Variants in CIRSR observed in about 807,000 individuals in gnomAD.
The protein encoded by CIRSR is corepressor of RBPJ and splicing regulator, also known as CBF1 (RBPJ) interacting corepressor 1.
chr2:174,383,522 C>A, the CIRSR span, among the ~76,000 whole-genome samples: 1 of 151,724 alleles, frequency 6.6e-6, no homozygotes, highest in East Asian at 1.9e-4. Context: ...GAGTTCGAGA[C>A]CAGCTTGGCC....
chr2:174,389,924 C>T, the CIRSR span, among the ~76,000 whole-genome samples: 2 of 152,182 alleles, frequency 1.3e-5, no homozygotes, highest in Admixed American at 6.5e-5. Context: ...GGAACCTCTG[C>T]CTAGATTTCA....
At chr2:174,369,951 A>C in the CIRSR span, 1 of 1,361,418 alleles carries the variant, frequency 7.3e-7, no homozygotes, top group Non-Finnish European at 9.8e-7. Context: ...ACGGTTGGAA[A>C]ACTGGTGCTG....
the CIRSR span, chr2:174,350,763 T>C: frequency 3.9e-6 from 6 of 1,550,894 alleles, no homozygotes; most frequent in East Asian, 6.8e-5. Context: ...AACAAAGATA[T>C]CATTAAATTG....
the CIRSR span, among the ~76,000 whole-genome samples, chr2:174,377,582 C>T: frequency 5.3e-5 from 8 of 151,734 alleles, no homozygotes; most frequent in East Asian, 5.8e-4. Context: ...TTTGGGAGGC[C>T]GAGGCAGGTG....
At chr2:174,349,754 G>A in the CIRSR span, among the ~76,000 whole-genome samples, 1 of 152,030 alleles carries the variant, frequency 6.6e-6, no homozygotes, top group Non-Finnish European at 1.5e-5. Flanking sequence ...AATTCTTACT[G>A]AGTTGAAATT....
chr2:174,369,840 C>A, the CIRSR span: 1 of 1,007,492 alleles, frequency 9.9e-7, no homozygotes, highest in Non-Finnish European at 1.3e-6. Flanking sequence ...ATAGTAATGT[C>A]AAAGATCACT....
chr2:174,391,791 G>T, the CIRSR span, among the ~76,000 whole-genome samples: 25 of 152,060 alleles, frequency 1.6e-4, no homozygotes, highest in Non-Finnish European at 3.4e-4. Context: ...GCAATAAAAA[G>T]GAAAAAGTAC....
At chr2:174,394,956 G>C in the CIRSR span, among the ~76,000 whole-genome samples, 1 of 152,146 alleles carries the variant, frequency 6.6e-6, no homozygotes, top group Non-Finnish European at 1.5e-5. Context: ...TTTTGTGCAA[G>C]GTCTTAAGGC....
the CIRSR span, chr2:174,349,200 A>C: frequency 8.7e-7 from 1 of 1,149,800 alleles, no homozygotes; most frequent in Middle Eastern, 2.7e-4. Flanking sequence ...ACAGTAACAG[A>C]CTGTGTGAAA....
chr2:174,379,916 G>A, the CIRSR span, among the ~76,000 whole-genome samples: 1 of 151,424 alleles, frequency 6.6e-6, no homozygotes, highest in Non-Finnish European at 1.5e-5. Context: ...GTAGAGACAG[G>A]GTTTCACCAT....
the CIRSR span, among the ~76,000 whole-genome samples, chr2:174,354,626 T>TATATATATC: frequency 1.4e-5 from 1 of 73,822 alleles, no homozygotes; most frequent in Admixed American, 2.3e-4. Flanking sequence ...TTTTATATAT[T>TATATATATC]ATATAATATA....
At chr2:174,390,272 A>T in the CIRSR span, among the ~76,000 whole-genome samples, 1 of 152,234 alleles carries the variant, frequency 6.6e-6, no homozygotes, top group Non-Finnish European at 1.5e-5. Context: ...GCATCAGCAC[A>T]CCCTGGATAT....
the CIRSR span, chr2:174,381,675 GA>G: frequency 7.2e-6 from 11 of 1,521,576 alleles, no homozygotes; most frequent in African/African-American, 2.8e-5. Flanking sequence ...AAAAAAGAAA[GA>G]AAAAAAGAAA....
At chr2:174,395,381 C>T in the CIRSR span, among the ~76,000 whole-genome samples, 1 of 152,186 alleles carries the variant, frequency 6.6e-6, no homozygotes, top group African/African-American at 2.4e-5. Context: ...GCTGAGGACC[C>T]GCTGCGTCAG....
At chr2:174,393,152 T>A in the CIRSR span, among the ~76,000 whole-genome samples, 1 of 152,052 alleles carries the variant, frequency 6.6e-6, no homozygotes, top group African/African-American at 2.4e-5. Context: ...AAAAGGGAGT[T>A]TACAGTGATG....
At chr2:174,349,046 AGAGGAG>A in the CIRSR span, 1 of 1,592,134 alleles carries the variant, frequency 6.3e-7, no homozygotes. Flanking sequence ...CAGTAGAGGA[AGAGGAG>A]GAGGAGGAGG....
chr2:174,355,956 C>A, the CIRSR span, among the ~76,000 whole-genome samples: 1 of 152,202 alleles, frequency 6.6e-6, no homozygotes, highest in South Asian at 2.1e-4. Context: ...CTGCTCCATT[C>A]GAAGTTCATC....
At chr2:174,378,191 A>G in the CIRSR span, among the ~76,000 whole-genome samples, 1 of 152,238 alleles carries the variant, frequency 6.6e-6, no homozygotes, top group Non-Finnish European at 1.5e-5. Flanking sequence ...AGCTGCTTTA[A>G]AAATGCAAAA....
the CIRSR span, among the ~76,000 whole-genome samples, chr2:174,357,839 G>A: frequency 4.6e-5 from 7 of 152,208 alleles, no homozygotes; most frequent in Non-Finnish European, 7.4e-5. Context: ...AGGAAAAAAA[G>A]TGAACAAAGC....
Sources: allele counts gnomAD v4.1 joint callset (sites outside exome capture counted in the v4.1 genomes callset), GRCh38; gene constraint gnomAD v4.1.1; transcripts MANE v1.5; gene names NCBI Gene and HGNC (gene_info 2026-07-23, HGNC 2026-07-21).